Variants in TMEM132D observed in about 807,000 individuals in gnomAD.
The protein encoded by TMEM132D is mature OL transmembrane protein.
TMEM132D carries 21 observed loss-of-function variants against 62.3 expected under a neutral mutation model. That is an observed-to-expected ratio of 0.34 (90% CI 0.24 to 0.49). The LOEUF is 0.49. Among genes scored for constraint, TMEM132D ranks in the 20% least tolerant of loss-of-function variants. The probability of loss-of-function intolerance (pLI) is 0.99; values close to 1 mark genes in which losing one functional copy is unlikely to be tolerated. For missense variants in TMEM132D, 1,346 were observed against 1,402.8 expected (o/e 0.96, Z 0.65); for synonymous variants, 621 against 575.6 (o/e 1.08, Z -1.13).
chr12:129,222,648 C>G (rs1235334249), intron 4 of TMEM132D, among the ~76,000 whole-genome samples: 1 of 152,074 alleles, frequency 6.6e-6, no homozygotes, highest in Non-Finnish European at 1.5e-5. Context: ...AAATACACCT[C>G]TAATCAAAGA....
intron 4 of TMEM132D, among the ~76,000 whole-genome samples, chr12:129,230,514 A>G (rs533467816): frequency 5.9e-5 from 9 of 152,354 alleles, no homozygotes; most frequent in African/African-American, 2.2e-4. Context: ...CTCATTCTCA[A>G]CTGTCTGAAA....
chr12:129,817,142 T>C (rs1162871954), intron 1 of TMEM132D, among the ~76,000 whole-genome samples: 1 of 152,212 alleles, frequency 6.6e-6, no homozygotes, highest in Non-Finnish European at 1.5e-5. Context: ...ATGAGCAATA[T>C]GCAATGGCTG....
At position 129,822,241 on chromosome 12, in the gene TMEM132D, G is replaced by T. The variant is rs534471741; in HGVS notation, c.79+81020C>A. On this transcript the variant is annotated intron_variant, in intron 1 of 8. Coordinates refer to ENST00000422113, the MANE Select transcript of TMEM132D (RefSeq NM_133448.3). ...GGGGAGAAGGGCTGAGTGGCTAGAG[G>T]AGCTGAGAGACCTGCCGGGGTCCTG... is the stretch of plus-strand genomic sequence containing the variant. 3.9e-5 allele frequency among the ~76,000 whole-genome samples: 6 copies of T among 152,260 alleles called. No individual in the cohort carries two copies. The South Asian group carries it at 1.2e-3, about 32-fold the overall frequency.
chr12:129,440,868 G>A (rs1021942123), intron 3 of TMEM132D, among the ~76,000 whole-genome samples: 5 of 152,372 alleles, frequency 3.3e-5, no homozygotes, highest in Middle Eastern at 6.8e-3. Flanking sequence ...CTGGGCAACA[G>A]AGTGGATGTT....
intron 1 of TMEM132D, among the ~76,000 whole-genome samples, chr12:129,837,434 A>AACTT (rs1873040190): frequency 6.6e-6 from 1 of 152,206 alleles, no homozygotes; most frequent in Non-Finnish European, 1.5e-5. Flanking sequence ...CTAGGTTTAC[A>AACTT]AACAATTGCT....
chr12:129,115,832 T>C (rs1021943464), intron 5 of TMEM132D, among the ~76,000 whole-genome samples: 2 of 152,018 alleles, frequency 1.3e-5, no homozygotes, highest in African/African-American at 2.4e-5. Context: ...GCTGCAGAGG[T>C]CAACGCAGGG....
At chr12:129,148,582 G>A (rs532421296) in intron 5 of TMEM132D, among the ~76,000 whole-genome samples, 4 of 152,332 alleles carry the variant, frequency 2.6e-5, no homozygotes, top group Admixed American at 6.5e-5. Context: ...AGCCCTGCCA[G>A]TGCCTTGATT....
chr12:129,365,953 C>T (rs1476296107), intron 3 of TMEM132D, among the ~76,000 whole-genome samples: 1 of 152,128 alleles, frequency 6.6e-6, no homozygotes, highest in Non-Finnish European at 1.5e-5. Context: ...CCGCCCCGCA[C>T]ACCCACACCT....
At chr12:129,662,336 G>A (rs2137192666) in intron 2 of TMEM132D, among the ~76,000 whole-genome samples, 1 of 152,314 alleles carries the variant, frequency 6.6e-6, no homozygotes, top group Admixed American at 6.5e-5. Flanking sequence ...TCTATTACCT[G>A]TTCCACCTCC....
chr12:129,649,116 G>C (rs1187092414), intron 2 of TMEM132D, among the ~76,000 whole-genome samples: 1 of 152,170 alleles, frequency 6.6e-6, no homozygotes, highest in African/African-American at 2.4e-5. Flanking sequence ...CCAATATTTA[G>C]AGGGGATAAG....
intron 2 of TMEM132D, among the ~76,000 whole-genome samples, chr12:129,663,085 T>C (rs1358188492): frequency 6.6e-6 from 1 of 152,040 alleles, no homozygotes; most frequent in East Asian, 1.9e-4. Context: ...TAGGACACCG[T>C]TCCAGGCAGA....
At chr12:129,760,749 C>G (rs113696023) in intron 1 of TMEM132D, among the ~76,000 whole-genome samples, 3 of 151,786 alleles carry the variant, frequency 2.0e-5, no homozygotes, top group African/African-American at 7.3e-5. Context: ...CACCCATCAA[C>G]CCCTCCTCTA....
intron 1 of TMEM132D, among the ~76,000 whole-genome samples, chr12:129,726,841 C>A (rs143167494): frequency 6.6e-6 from 1 of 152,260 alleles, no homozygotes; most frequent in Non-Finnish European, 1.5e-5. Context: ...CTGCTAAGAA[C>A]AGGAGTTCTG....
intron 1 of TMEM132D, among the ~76,000 whole-genome samples, chr12:129,875,606 A>AAG (rs1280693616): frequency 2.0e-5 from 3 of 152,158 alleles, no homozygotes; most frequent in African/African-American, 7.2e-5. Context: ...CATGGCGGGG[A>AAG]AGAGAGGCGT....
intron 3 of TMEM132D, among the ~76,000 whole-genome samples, chr12:129,477,753 G>A (rs1021610737): frequency 1.6e-4 from 24 of 151,976 alleles, no homozygotes; most frequent in African/African-American, 5.6e-4. Context: ...CCTGGGAGGC[G>A]GAACTTGCAG....
In TMEM132D at chr12:129,369,928, T is replaced by G. The variant is rs76980700; in HGVS notation, c.1116-32111A>C. On this transcript the variant is annotated intron_variant, in intron 3 of 8. Coordinates refer to ENST00000422113, the MANE Select transcript of TMEM132D (RefSeq NM_133448.3). ...GGGAAGGGATCTCAAATTCAAATGC[T>G]GCGGAAGCCAGGTGGGTCACACAGT... 2.3e-3 allele frequency among the ~76,000 whole-genome samples: 351 copies of G among 152,290 alleles called. 2 individuals carry two copies. Among genetic ancestry groups the G allele is most frequent in the African/African-American group, 8.2e-3 (340 of 41,546 alleles).
At chr12:129,596,822 C>A (rs1013200412) in intron 2 of TMEM132D, among the ~76,000 whole-genome samples, 1 of 151,956 alleles carries the variant, frequency 6.6e-6, no homozygotes, top group Non-Finnish European at 1.5e-5. Context: ...ATCCACCCCC[C>A]GCCAATAAAG....
chr12:129,643,506 A>G (rs1313360305), intron 2 of TMEM132D, among the ~76,000 whole-genome samples: 2 of 152,278 alleles, frequency 1.3e-5, no homozygotes, highest in Non-Finnish European at 2.9e-5. Context: ...AAACCTATTT[A>G]CTGCCTGGCT....
At position 129,330,256 on chromosome 12, in the gene TMEM132D, T is replaced by C. The variant is rs1869061579; in HGVS notation, c.1299+7378A>G. On this transcript the variant is annotated intron_variant, in intron 4 of 8. Coordinates refer to ENST00000422113, the MANE Select transcript of TMEM132D (RefSeq NM_133448.3). Reference sequence around the variant, plus strand: ...CCTGGGTTATGGAGTCCCCTACTCATGCTAATGAGAAAACAGCATCTGAGT... The same window carrying C: ...CCTGGGTTATGGAGTCCCCTACTCACGCTAATGAGAAAACAGCATCTGAGT... Among the ~76,000 whole-genome samples the C allele has an allele frequency of 2.6e-5, 4 of 152,174 alleles. No individual in the cohort carries two copies. In the South Asian group the frequency reaches 6.2e-4, roughly 24 times the overall value.
Sources: gnomAD v4.1 joint callset for allele counts (sites outside exome capture counted in the v4.1 genomes callset) on GRCh38, gnomAD v4.1.1 for gene constraint, MANE v1.5 for transcripts, NCBI Gene and HGNC (gene_info 2026-07-23, HGNC 2026-07-21) for gene names.